Variants in OTOA observed in about 807,000 individuals in gnomAD.
The protein encoded by OTOA is cancer/testis antigen 108.
Under a neutral mutation model 110.8 loss-of-function variants are expected in OTOA, and 70 were observed. That is an observed-to-expected ratio of 0.63 (90% CI 0.52 to 0.77). The LOEUF is 0.77. OTOA is among the 30% of genes least tolerant of loss of function. The pLI is 0.00. For synonymous variants in OTOA, 373 were observed against 431.5 expected, an observed-to-expected ratio of 0.86 and a Z score of 1.68; for missense variants, 917 against 1,075.8, an observed-to-expected ratio of 0.85 and a Z score of 2.06.
At chr16:21,678,727 T>TGATTTTTCAGGATTATTCTAAGAG (rs1352980025) in intron 2 of OTOA, 122 bp downstream of exon 2, 20 of 1,152,086 alleles carry the variant, frequency 1.7e-5, no homozygotes, top group Non-Finnish European at 1.0e-5. Context: ...TGTGCATGTA[T>TGATTTTTCAGGATTATTCTAAGAG]GATTTTTCAG....
At chr16:21,714,909 C>T (rs1898501606) in intron 13 of OTOA, 76 bp from the exon 14 acceptor site, 1 of 1,594,020 alleles carries the variant, frequency 6.3e-7, no homozygotes, top group Non-Finnish European at 8.6e-7. Flanking sequence ...ATACTTGGCA[C>T]ATAGATGGGC....
chr16:21,759,494 T>G (rs1900100098), intron 28 of OTOA, among the ~76,000 whole-genome samples: 1 of 151,734 alleles, frequency 6.6e-6, no homozygotes, highest in Admixed American at 6.6e-5. Context: ...TTTTTGCTGT[T>G]ATGAACAATG....
chr16:21,714,885 T>A, intron 13 of OTOA, 100 bp from the exon 14 acceptor site: 2 of 1,479,636 alleles, frequency 1.4e-6, no homozygotes, highest in African/African-American at 2.8e-5. Context: ...GCCCCTAAGG[T>A]GTCACCCATC....
chr16:21,713,452 G>A lies in OTOA; in HGVS notation c.1321-1533G>A, dbSNP rs562470305. On this transcript the variant is annotated intron_variant, in intron 13 of 28. Coordinates refer to ENST00000646100, the MANE Select transcript of OTOA (RefSeq NM_144672.4). ...CTGGTCCTAGCCTGCTTCCTCCATCGCGGGGCCAAGGGAGGGAGGGTGTGG... is the reference window on the plus strand; with the variant it reads ...CTGGTCCTAGCCTGCTTCCTCCATCACGGGGCCAAGGGAGGGAGGGTGTGG... 8.5e-5 allele frequency among the ~76,000 whole-genome samples: 13 copies of A among 152,252 alleles called. No homozygotes were observed. In the East Asian group the frequency reaches 1.4e-3, roughly 16 times the overall value.
intron 6 of OTOA, chr16:21,684,666 C>A: frequency 1.5e-6 from 1 of 656,644 alleles, no homozygotes; most frequent in Non-Finnish European, 2.5e-6. Flanking sequence ...CCGGTGTTGC[C>A]AAACCTTTAC....
chr16:21,704,833 T>A, intron 11 of OTOA: 1 of 742,740 alleles, frequency 1.3e-6, no homozygotes, highest in Non-Finnish European at 2.5e-6. Context: ...TGAGACTTGA[T>A]CTGATTGGGT....
Position 21,695,393 on chromosome 16 carries a change from G to T in OTOA, c.740-2382G>T, listed in dbSNP as rs188118786. 2.1e-3 allele frequency among the ~76,000 whole-genome samples: 326 copies of T among 151,992 alleles called. 3 individuals are homozygous for T. Among genetic ancestry groups the T allele is most frequent in the African/African-American group, 7.2e-3 (300 of 41,454 alleles). ...AGAGGAAGAAAAAAAAAAATCCCAA[G>T]CTTGGGGATGATTGATCTACAGAAA... On this transcript the variant is annotated intron_variant, in intron 9 of 28. Coordinates refer to ENST00000646100, the MANE Select transcript of OTOA (RefSeq NM_144672.4).
chr16:21,680,375 A>C (rs1426274077), intron 5 of OTOA, among the ~76,000 whole-genome samples: 1 of 152,016 alleles, frequency 6.6e-6, no homozygotes. Flanking sequence ...TTAGCTAGGC[A>C]TGGTGGTGCA....
chr16:21,666,587 T>C (rs189452661), intron 1 of OTOA, among the ~76,000 whole-genome samples: 97 of 152,276 alleles, frequency 6.4e-4, no homozygotes, highest in African/African-American at 2.1e-3. Flanking sequence ...CATCCAAACA[T>C]TCATAGTTTC....
intron 8 of OTOA, among the ~76,000 whole-genome samples, chr16:21,691,284 A>G (rs565804811): frequency 4.1e-4 from 62 of 152,238 alleles, no homozygotes; most frequent in African/African-American, 1.1e-3. Context: ...ATACGTGTGC[A>G]TGTGTCTTTA....
intron 7 of OTOA, among the ~76,000 whole-genome samples, chr16:21,686,168 C>T (rs1897707266): frequency 6.6e-6 from 1 of 152,088 alleles, no homozygotes; most frequent in South Asian, 2.1e-4. Context: ...GGACTGGAAC[C>T]TGGGAATGCC....
intron 22 of OTOA, 60 bp downstream of exon 22, chr16:21,736,450 G>T (rs1269234649): frequency 6.2e-7 from 1 of 1,605,498 alleles, no homozygotes; most frequent in East Asian, 2.2e-5. Context: ...TTTGGGCAGG[G>T]TCCCTGACAT....
In OTOA at chr16:21,668,413, T is replaced by A. The variant is rs188360646; in HGVS notation, c.-5+4181T>A. Among the ~76,000 whole-genome samples, 114 of 151,770 alleles carry A rather than the reference T, an allele frequency of 7.5e-4. 1 individual carries two copies. The highest frequency in any genetic ancestry group is 2.7e-3 in the African/African-American group (113 of 41,360). On this transcript the variant is annotated intron_variant, in intron 1 of 28. Coordinates refer to ENST00000646100, the MANE Select transcript of OTOA (RefSeq NM_144672.4). ...TGAGCCACTGTGCCTGGCCTAATTT[T>A]TTATTTTATTTTATGGTATTTTTTG...
chr16:21,715,963 G>A (rs888386525), intron 14 of OTOA, among the ~76,000 whole-genome samples: 2 of 152,104 alleles, frequency 1.3e-5, no homozygotes, highest in Non-Finnish European at 2.9e-5. Context: ...CAGCCAGCAT[G>A]CAGTGGCGTG....
At chr16:21,732,417 G>A (rs887431961) in intron 21 of OTOA, among the ~76,000 whole-genome samples, 2 of 152,174 alleles carry the variant, frequency 1.3e-5, no homozygotes, top group East Asian at 3.9e-4. Flanking sequence ...TGATTTGTGA[G>A]ATTTTGGTGC....
At chr16:21,744,565 A>G in intron 23 of OTOA, among the ~76,000 whole-genome samples, 1 of 106,300 alleles carries the variant, frequency 9.4e-6, no homozygotes, top group Non-Finnish European at 2.0e-5. Flanking sequence ...TGAGAAATCA[A>G]AAATTGAAGC....
chr16:21,707,859 A>G (rs529902018), intron 12 of OTOA, among the ~76,000 whole-genome samples: 71 of 143,862 alleles, frequency 4.9e-4, no homozygotes, highest in Non-Finnish European at 7.6e-4. Flanking sequence ...CGGTAGCACG[A>G]TCTTGGCTCA....
At chr16:21,697,744 A>G in intron 9 of OTOA, 31 bp from the exon 10 acceptor site, 3 of 1,581,370 alleles carry the variant, frequency 1.9e-6, no homozygotes, top group Non-Finnish European at 1.7e-6. Flanking sequence ...TTATGTATGT[A>G]CTCATTTATT....
At chr16:21,675,512 A>C (rs1357818362) in intron 1 of OTOA, among the ~76,000 whole-genome samples, 1 of 151,558 alleles carries the variant, frequency 6.6e-6, no homozygotes, top group Non-Finnish European at 1.5e-5. Flanking sequence ...CTCCAGTTAC[A>C]CATATTTCAA....
Sources: gnomAD v4.1 joint callset for allele counts (sites outside exome capture counted in the v4.1 genomes callset) on GRCh38, gnomAD v4.1.1 for gene constraint, MANE v1.5 for transcripts, NCBI Gene and HGNC (gene_info 2026-07-23, HGNC 2026-07-21) for gene names.